ACP7: variants seen among roughly 807,000 people sequenced by gnomAD.
The protein encoded by ACP7 is acid phosphatase type 7.
In ACP7, 58 loss-of-function variants were observed where a neutral mutation model predicts 60.6. The observed-to-expected ratio is 0.96, with a 90% CI of 0.77 to 1.19. ACP7 has a LOEUF of 1.19. ACP7 is among the 50% of genes most tolerant of loss of function. ACP7 has a pLI of 0.00. For missense variants in ACP7, 574 were observed against 596.2 expected (o/e 0.96, Z 0.39); for synonymous variants, 237 against 232.6 (o/e 1.02, Z -0.17).
At chr19:39,106,689 A>G (rs1281223682) in intron 11 of ACP7, among the ~76,000 whole-genome samples, 1 of 151,994 alleles carries the variant, frequency 6.6e-6, no homozygotes, top group Non-Finnish European at 1.5e-5. Flanking sequence ...ACACCAGGCT[A>G]ATTTTTGTAT....
chr19:39,084,595 G>A (rs903338061), intron 1 of ACP7, among the ~76,000 whole-genome samples, 195 bp downstream of exon 1: 1 of 151,802 alleles, frequency 6.6e-6, no homozygotes, highest in African/African-American at 2.4e-5. Context: ...GGCTCTAAAG[G>A]ATCTGGGGGT....
Position 39,100,943 on chromosome 19 carries a change from C to T in ACP7, c.808-6C>T, listed in dbSNP as rs542238248. ...CTAGCCCCTCACCCTGGGCCCTTCT[C>T]CCTAGAAAGCCAATAAGAACCGGGC... On this transcript the variant is annotated splice_region_variant and splice_polypyrimidine_tract_variant and intron_variant, in intron 7 of 12. Transcript: ENST00000331256. 2 of 1,612,130 alleles carry T rather than the reference C, an allele frequency of 1.2e-6. No homozygotes were observed. The highest frequency in any genetic ancestry group is 2.2e-5 in the East Asian group (1 of 44,818).
rs532719730 is a variant in ACP7, at chr19:39,095,132, C to T, written c.122-3326C>T. On this transcript the variant is annotated intron_variant, in intron 2 of 12. Coordinates refer to ENST00000331256, the MANE Select transcript of ACP7 (RefSeq NM_001004318.3). ...CTGGCCCCTCCAAATCTCATGTCCT[C>T]ACATTTCAAAACCAATCATGCCTTC... is the stretch of plus-strand genomic sequence containing the variant. Among the ~76,000 whole-genome samples the T allele has an allele frequency of 3.3e-5, 5 of 152,276 alleles. No individual in the cohort carries two copies. The East Asian group carries it at 9.7e-4, about 29-fold the overall frequency.
Position 39,098,989 on chromosome 19 carries a change from A to G in ACP7, c.352A>G (p.Ser118Gly), listed in dbSNP as rs1186701173. The G allele has an allele frequency of 1.9e-6, 3 of 1,611,680 alleles. No individual in the cohort carries two copies. Among genetic ancestry groups the G allele is most frequent in the Non-Finnish European group, 1.7e-6 (2 of 1,178,946 alleles). The stretch of plus-strand genomic sequence containing the variant: ...TCGCTGTGGCAGTGCGCAGGGCTGG[A>G]GCCGTCGGTTCCGCTTCAGGGCCCT... ...VYRCGSAQGW[S>G]RRFRFRALKN... Residue 118 changes from serine (S) to glycine (G), a missense_variant, in exon 4 of 13, where the codon AGC (serine) becomes GGC (glycine). Physicochemically the swap from Ser to Gly is moderately conservative, Grantham distance 56. Coordinates refer to ENST00000331256, the MANE Select transcript of ACP7 (RefSeq NM_001004318.3).
chr19:39,092,624 A>G (rs1045134207), intron 2 of ACP7, among the ~76,000 whole-genome samples: 1 of 151,944 alleles, frequency 6.6e-6, no homozygotes, highest in South Asian at 2.1e-4. Context: ...GGTTCCCCCC[A>G]CACCCTGATA....
intron 2 of ACP7, among the ~76,000 whole-genome samples, chr19:39,092,498 C>G (rs573349032): frequency 9.9e-5 from 15 of 152,084 alleles, no homozygotes; most frequent in Non-Finnish European, 1.9e-4. Flanking sequence ...TAATAATACC[C>G]AGTTAGGACA....
At chr19:39,100,005 A>T (rs566072808) in intron 4 of ACP7, among the ~76,000 whole-genome samples, 1 of 151,302 alleles carries the variant, frequency 6.6e-6, no homozygotes, top group Non-Finnish European at 1.5e-5. Context: ...AAAAAAAAAA[A>T]AAAAAAAAAA....
At chr19:39,102,999 G>C (rs1007671992) in intron 11 of ACP7, among the ~76,000 whole-genome samples, 1 of 151,666 alleles carries the variant, frequency 6.6e-6, no homozygotes, top group South Asian at 2.1e-4. Flanking sequence ...CCCCATGCCC[G>C]GTTAAGTTTT....
In ACP7 at chr19:39,100,620, G is replaced by C; in HGVS notation, c.670G>C (p.Asp224His). The change falls in exon 6 of 13, where the codon GAT becomes CAT. Residue 224 changes from aspartate (D) to histidine (H), a missense_variant. Physicochemically the swap from Asp to His is moderately conservative, Grantham distance 81. Transcript: ENST00000331256. ...NYKARFSMPG[D>H]NEGLWYSWDL... ...CAAGGCTCGCTTCAGCATGCCGGGGGATAATGAGGGCCTGTGGTACAGGTA... is the reference window on the plus strand; with the variant it reads ...CAAGGCTCGCTTCAGCATGCCGGGGCATAATGAGGGCCTGTGGTACAGGTA... The C allele has an allele frequency of 3.1e-6, 5 of 1,614,068 alleles. No homozygotes were observed. The highest frequency in any genetic ancestry group is 1.1e-5 in the South Asian group (1 of 91,082).
At chr19:39,099,181 G>A (rs772405734) in intron 4 of ACP7, 39 bp downstream of exon 4, 1 of 1,479,206 alleles carries the variant, frequency 6.8e-7, no homozygotes, top group East Asian at 2.5e-5. Flanking sequence ...GACGGTGGGG[G>A]GCGCGCGCAG....
chr19:39,090,827 A>G lies in ACP7; in HGVS notation c.121+5437A>G, dbSNP rs115846951. On this transcript the variant is annotated intron_variant, in intron 2 of 12. Coordinates refer to ENST00000331256, the MANE Select transcript of ACP7 (RefSeq NM_001004318.3). ...TTTTTTGGTCTATTGTTCCTATTCA[A>G]TATAGTAGCTCCTTCCATCTAATTG... 5.9e-3 allele frequency among the ~76,000 whole-genome samples: 885 copies of G among 149,506 alleles called. 11 individuals carry two copies. Among genetic ancestry groups the G allele is most frequent in the African/African-American group, 0.02 (814 of 40,594 alleles).
chr19:39,097,159 A>G (rs1263612279), intron 2 of ACP7, among the ~76,000 whole-genome samples: 2 of 152,156 alleles, frequency 1.3e-5, no homozygotes, highest in Non-Finnish European at 2.9e-5. Flanking sequence ...GCAAAAGTGG[A>G]AACCCCTGAT....
chr19:39,089,180 C>T (rs909493147), intron 2 of ACP7, among the ~76,000 whole-genome samples: 12 of 152,068 alleles, frequency 7.9e-5, no homozygotes, highest in Non-Finnish European at 5.9e-5. Context: ...CTACCCACCT[C>T]GGCCTCCCAA....
chr19:39,099,472 G>A (rs73042476), intron 4 of ACP7, among the ~76,000 whole-genome samples: 73 of 152,296 alleles, frequency 4.8e-4, no homozygotes, highest in Non-Finnish European at 9.4e-4. Flanking sequence ...TTGCCTCGCA[G>A]GGTGCAGGTG....
chr19:39,100,501 C>A (rs1035065216), intron 5 of ACP7, 79 bp from the exon 6 acceptor site: 1 of 1,601,044 alleles, frequency 6.2e-7, no homozygotes, highest in Admixed American at 1.7e-5. Flanking sequence ...GGACTCAGGG[C>A]CTGACAGTGG....
At chr19:39,087,040 G>A (rs930312920) in intron 2 of ACP7, among the ~76,000 whole-genome samples, 2 of 151,980 alleles carry the variant, frequency 1.3e-5, no homozygotes, top group South Asian at 2.1e-4. Context: ...ACAGGGTCTC[G>A]CTCTGTCAAC....
Position 39,092,037 on chromosome 19 carries a change from C to A in ACP7, c.122-6421C>A, listed in dbSNP as rs185542882. ...ATTTGTAACTTCTTTCTCTAACACT[C>A]AGAAACTTCACTCTGTCTACGATAT... On this transcript the variant is annotated intron_variant, in intron 2 of 12. Transcript: ENST00000331256. Among the ~76,000 whole-genome samples the A allele has an allele frequency of 4.6e-5, 7 of 152,262 alleles. No individual in the cohort carries two copies. In the East Asian group the frequency reaches 1.4e-3, roughly 29 times the overall value.
At chr19:39,103,049 GC>G (rs2073373222) in intron 11 of ACP7, among the ~76,000 whole-genome samples, 1 of 151,782 alleles carries the variant, frequency 6.6e-6, no homozygotes, top group East Asian at 1.9e-4. Context: ...TGCTGGCGAG[GC>G]TGGTCTCAAA....
At chr19:39,107,973 T>G (rs62120483) in intron 12 of ACP7, among the ~76,000 whole-genome samples, 1 of 151,804 alleles carries the variant, frequency 6.6e-6, no homozygotes, top group African/African-American at 2.4e-5. Context: ...ATCACTTGAG[T>G]GCAGGAGTTA....
Sources: gnomAD v4.1 joint callset for allele counts (sites outside exome capture counted in the v4.1 genomes callset) on GRCh38, gnomAD v4.1.1 for gene constraint, MANE v1.5 for transcripts, NCBI Gene and HGNC (gene_info 2026-07-23, HGNC 2026-07-21) for gene names.